The following SCAPER variants were observed in gnomAD, a reference collection of about 807,000 sequenced individuals.
SCAPER encodes S phase cyclin A-associated protein in the endoplasmic reticulum.
A neutral mutation model predicts 182.2 loss-of-function variants in SCAPER; 98 were observed. The observed-to-expected ratio is 0.54, with a 90% CI of 0.46 to 0.64. The LOEUF is 0.64. SCAPER is among the 30% of genes least tolerant of loss of function. SCAPER has a pLI of 0.00. For missense variants in SCAPER, 1,432 were observed against 1,690.0 expected (o/e 0.85, Z 2.68); for synonymous variants, 605 against 564.6 (o/e 1.07, Z -1.01).
At chr15:76,679,146 G>C (rs1037460786) in intron 20 of SCAPER, among the ~76,000 whole-genome samples, 3 of 152,088 alleles carry the variant, frequency 2.0e-5, no homozygotes, top group Non-Finnish European at 4.4e-5. Context: ...CAAAAATGAA[G>C]ACAACAATAT....
chr15:76,475,468 A>G (rs1234466193), intron 24 of SCAPER, among the ~76,000 whole-genome samples: 1 of 152,118 alleles, frequency 6.6e-6, no homozygotes, highest in African/African-American at 2.4e-5. Context: ...CTAGGATTAC[A>G]GGCACACACC....
Position 76,765,000 on chromosome 15 carries a change from G to C in SCAPER, c.1686C>G (p.Arg562=). Residue 562 remains arginine, a synonymous_variant, in exon 14 of 32, where the codon CGC becomes CGG. Coordinates refer to ENST00000563290, the MANE Select transcript of SCAPER (RefSeq NM_020843.4). ...MKAQQLREKL[R]EEKTLKLQKL... ...TCTGAAGCTTCAATGTTTTCTCTTC[G>C]CGTAACTTTTCCCTTAGCTGCTGTG... 4 of 1,601,960 alleles carry C rather than the reference G, an allele frequency of 2.5e-6. No individual in the cohort carries two copies. The highest frequency in any genetic ancestry group is 3.4e-6 in the Non-Finnish European group (4 of 1,174,584).
At chr15:76,706,232 G>C (rs1411325490) in intron 17 of SCAPER, among the ~76,000 whole-genome samples, 1 of 152,112 alleles carries the variant, frequency 6.6e-6, no homozygotes, top group Admixed American at 6.6e-5. Context: ...CTCAAAGACT[G>C]TCATTTAAAT....
intron 24 of SCAPER, among the ~76,000 whole-genome samples, chr15:76,482,755 CAA>C (rs34570671): frequency 0.25 from 38,467 of 152,074 alleles, 5,817 homozygotes; most frequent in East Asian, 0.58. Flanking sequence ...AAATTAGCAC[CAA>C]AAAAAAGAGA....
intron 25 of SCAPER, among the ~76,000 whole-genome samples, chr15:76,458,784 T>C (rs1022405901): frequency 6.6e-6 from 1 of 152,196 alleles, no homozygotes; most frequent in African/African-American, 2.4e-5. Flanking sequence ...TTTAACTGTA[T>C]GTTTGTACCC....
chr15:76,806,627 C>T lies in SCAPER; in HGVS notation c.394-1994G>A, dbSNP rs1437590170. 1.3e-5 allele frequency among the ~76,000 whole-genome samples: 2 copies of T among 152,296 alleles called. 1 individual carries two copies. Among genetic ancestry groups the T allele is most frequent in the East Asian group, 3.9e-4 (2 of 5,188 alleles). On this transcript the variant is annotated intron_variant, in intron 5 of 31. Coordinates refer to ENST00000563290, the MANE Select transcript of SCAPER (RefSeq NM_020843.4). ...TAGGTATTGCATTGAATCTGGGTAT[C>T]ACTTTGGGAAATACAGCCATCTTAA... is the stretch of plus-strand genomic sequence containing the variant.
At chr15:76,537,753 A>G (rs2044314442) in intron 23 of SCAPER, among the ~76,000 whole-genome samples, 1 of 152,234 alleles carries the variant, frequency 6.6e-6, no homozygotes, top group Admixed American at 6.5e-5. Context: ...CTGCACAGCA[A>G]AACAAACTAC....
chr15:76,511,881 A>AT (rs1260396759), intron 23 of SCAPER, among the ~76,000 whole-genome samples: 7 of 82,068 alleles, frequency 8.5e-5, no homozygotes, highest in African/African-American at 3.4e-4. Flanking sequence ...GTATATATAT[A>AT]TATATTTTTT....
intron 27 of SCAPER, among the ~76,000 whole-genome samples, chr15:76,393,153 A>AC (rs139012306): frequency 2.1e-3 from 323 of 152,314 alleles, no homozygotes; most frequent in South Asian, 5.2e-3. Flanking sequence ...GAGTACAGAG[A>AC]CACCCCAGAA....
chr15:76,863,315 T>C (rs1438917369), intron 2 of SCAPER, among the ~76,000 whole-genome samples: 1 of 152,224 alleles, frequency 6.6e-6, no homozygotes, highest in African/African-American at 2.4e-5. Flanking sequence ...CCTCCTTATC[T>C]AATCCTTAAA....
At chr15:76,488,717 T>C (rs2051936258) in intron 24 of SCAPER, among the ~76,000 whole-genome samples, 4 of 11,120 alleles carry the variant, frequency 3.6e-4, no homozygotes, top group African/African-American at 8.5e-4. Context: ...ACACTGCCTT[T>C]TTTTTTTTTT....
chr15:76,722,537 G>T (rs1163059025), intron 17 of SCAPER, among the ~76,000 whole-genome samples: 1 of 152,244 alleles, frequency 6.6e-6, no homozygotes, highest in African/African-American at 2.4e-5. Context: ...GTAGAATTCG[G>T]CTGTGAATCC....
chr15:76,838,189 GTACATA>G (rs1317904559), intron 5 of SCAPER, among the ~76,000 whole-genome samples: 24 of 152,158 alleles, frequency 1.6e-4, no homozygotes, highest in African/African-American at 5.8e-4. Flanking sequence ...AGAAAATGTG[GTACATA>G]TACACCATGG....
intron 25 of SCAPER, among the ~76,000 whole-genome samples, chr15:76,453,903 A>G (rs968774481): frequency 1.3e-5 from 2 of 152,300 alleles, no homozygotes; most frequent in South Asian, 4.1e-4. Flanking sequence ...AAACTGACAG[A>G]TCAGTTATCA....
chr15:76,688,635 C>T (rs914984032), intron 20 of SCAPER, among the ~76,000 whole-genome samples: 1 of 152,074 alleles, frequency 6.6e-6, no homozygotes, highest in African/African-American at 2.4e-5. Context: ...GGTGCACTTT[C>T]AATTTTCTGC....
At chr15:76,841,243 G>A (rs762033574) in intron 5 of SCAPER, among the ~76,000 whole-genome samples, 4 of 152,060 alleles carry the variant, frequency 2.6e-5, no homozygotes, top group East Asian at 1.9e-4. Context: ...TCAAGAAAAC[G>A]TGAAGCATAA....
intron 25 of SCAPER, among the ~76,000 whole-genome samples, chr15:76,463,611 C>T (rs2049356949): frequency 1.3e-5 from 2 of 152,034 alleles, no homozygotes; most frequent in Admixed American, 6.6e-5. Context: ...GAACAGGTCA[C>T]TATGAATTAA....
chr15:76,378,143 C>CT (rs2042694385), intron 28 of SCAPER, among the ~76,000 whole-genome samples: 1 of 152,226 alleles, frequency 6.6e-6, no homozygotes, highest in African/African-American at 2.4e-5. Context: ...ATTCAGGGGT[C>CT]TAATGAGGAT....
chr15:76,725,810 C>A (rs1428892339), intron 17 of SCAPER, among the ~76,000 whole-genome samples: 1 of 151,400 alleles, frequency 6.6e-6, no homozygotes, highest in East Asian at 1.9e-4. Flanking sequence ...GAAGTTGAAC[C>A]CTTACCTTAT....
Sources: allele counts gnomAD v4.1 joint callset (sites outside exome capture counted in the v4.1 genomes callset), GRCh38; gene constraint gnomAD v4.1.1; transcripts MANE v1.5; gene names NCBI Gene and HGNC (gene_info 2026-07-23, HGNC 2026-07-21).